NECTIN3: variants seen among roughly 807,000 people sequenced by gnomAD.
NECTIN3 encodes nectin-3.
Under a neutral mutation model 49.4 loss-of-function variants are expected in NECTIN3, and 8 were observed. The ratio of observed to expected loss-of-function variants is 0.16; its 90% CI spans 0.10 to 0.29. The LOEUF (loss-of-function observed/expected upper bound fraction) is 0.29. NECTIN3 is among the 10% of genes least tolerant of loss of function. The pLI is 1.00. For missense variants in NECTIN3, 581 were observed against 654.6 expected, an observed-to-expected ratio of 0.89 and a Z score of 1.23; for synonymous variants, 277 against 241.1, an observed-to-expected ratio of 1.15 and a Z score of -1.38.
intron 1 of NECTIN3, among the ~76,000 whole-genome samples, chr3:111,079,022 C>G (rs2031425118): frequency 6.6e-6 from 1 of 152,064 alleles, no homozygotes; most frequent in Admixed American, 6.6e-5. Context: ...CTGTGCAGGG[C>G]TAGGACTCCA....
chr3:111,172,292 A>T (rs2035449098), intron 7 of NECTIN3, among the ~76,000 whole-genome samples: 1 of 152,128 alleles, frequency 6.6e-6, no homozygotes, highest in African/African-American at 2.4e-5. Context: ...CACATCATAT[A>T]TTGTTCTGGG....
intron 7 of NECTIN3, among the ~76,000 whole-genome samples, chr3:111,152,975 A>C (rs989719887): frequency 2.6e-5 from 4 of 151,922 alleles, no homozygotes; most frequent in Non-Finnish European, 5.9e-5. Flanking sequence ...ATTTTCTCCC[A>C]GGATCTGAAT....
intron 7 of NECTIN3, among the ~76,000 whole-genome samples, chr3:111,185,724 A>G (rs190159631): frequency 2.0e-5 from 3 of 152,188 alleles, no homozygotes; most frequent in Non-Finnish European, 4.4e-5. Flanking sequence ...GTTTTCTATG[A>G]TCCAGTAATT....
chr3:111,190,694 G>A (rs1380782863), upstream of NECTIN3, among the ~76,000 whole-genome samples: 2 of 152,044 alleles, frequency 1.3e-5, no homozygotes, highest in Admixed American at 6.5e-5. Context: ...TACCCTATTC[G>A]CTTCCCAAAG....
chr3:111,166,033 C>T lies in NECTIN3; in HGVS notation c.1221+18549C>T, dbSNP rs767664352. Among the ~76,000 whole-genome samples the T allele has an allele frequency of 5.9e-5, 9 of 152,214 alleles. No individual in the cohort carries two copies. The South Asian group carries it at 6.2e-4, about 11-fold the overall frequency. ...CAAGAAACCAACAATCCTCAAATTTCAGGGATTTAAAACAACAAGTTGATT... is the reference window on the plus strand; with the variant it reads ...CAAGAAACCAACAATCCTCAAATTTTAGGGATTTAAAACAACAAGTTGATT... On this transcript the variant is annotated intron_variant, in intron 7 of 8. Coordinates refer to the NECTIN3 transcript ENST00000493615.
intron 1 of NECTIN3, among the ~76,000 whole-genome samples, chr3:111,111,110 T>C (rs2033441557): frequency 6.6e-6 from 1 of 152,176 alleles, no homozygotes; most frequent in Non-Finnish European, 1.5e-5. Flanking sequence ...ATTTATTTTG[T>C]TAGAGAACAT....
In NECTIN3 at chr3:111,112,351, C is replaced by G. The variant is rs756277129; in HGVS notation, c.482C>G (p.Ser161Cys). The G allele has an allele frequency of 1.2e-6, 2 of 1,604,686 alleles. No homozygotes were observed. The highest frequency in any genetic ancestry group is 1.7e-6 in the Non-Finnish European group (2 of 1,173,334). The stretch of plus-strand genomic sequence containing the variant: ...TTCCCGCTTGGAAATGCCCAGTCCT[C>G]TACAACTGTAACTGTGTTAGGTAGG... The part of the protein sequence containing the change: ...VTFPLGNAQS[S>C]TTVTVLVEPT... Residue 161 changes from serine to cysteine, a missense_variant, in exon 2 of 6, where the codon TCT becomes TGT. Transcript: ENST00000485303.
intron 7 of NECTIN3, among the ~76,000 whole-genome samples, chr3:111,148,887 C>G (rs772686305): frequency 5.9e-5 from 9 of 151,912 alleles, no homozygotes; most frequent in Non-Finnish European, 1.3e-4. Flanking sequence ...TGTCTCTTTG[C>G]TTGTATTTGT....
intron 7 of NECTIN3, among the ~76,000 whole-genome samples, chr3:111,150,884 A>G (rs1271707407): frequency 6.6e-6 from 1 of 151,956 alleles, no homozygotes; most frequent in Admixed American, 6.6e-5. Flanking sequence ...TTTTAAATGA[A>G]TTAAATTTTT....
At chr3:111,074,212 T>A (rs1378137168) in intron 1 of NECTIN3, 2 of 456,386 alleles carry the variant, frequency 4.4e-6, no homozygotes, top group East Asian at 1.4e-4. Context: ...TGTTGTGACT[T>A]ATGGAAGCTT....
At chr3:111,185,693 C>T (rs2035707559) in intron 7 of NECTIN3, among the ~76,000 whole-genome samples, 1 of 152,156 alleles carries the variant, frequency 6.6e-6, no homozygotes, top group African/African-American at 2.4e-5. Flanking sequence ...GGAACAAAGA[C>T]TCTGCAGAGA....
intron 7 of NECTIN3, among the ~76,000 whole-genome samples, chr3:111,178,417 G>A (rs1035890142): frequency 2.0e-5 from 3 of 152,090 alleles, no homozygotes; most frequent in Non-Finnish European, 4.4e-5. Flanking sequence ...AGTATAAACA[G>A]ACACTCAAAA....
intron 7 of NECTIN3, among the ~76,000 whole-genome samples, chr3:111,185,442 T>G (rs1438101928): frequency 1.7e-4 from 26 of 152,194 alleles, no homozygotes; most frequent in Non-Finnish European, 4.4e-5. Flanking sequence ...TTTTGTCCAA[T>G]TTTTTATTAG....
At chr3:111,077,109 C>T in intron 1 of NECTIN3, 1 of 308,722 alleles carries the variant, frequency 3.2e-6, no homozygotes, top group Non-Finnish European at 6.7e-6. Context: ...CTAGATATAG[C>T]CATATCGCAG....
At chr3:111,185,498 G>A (rs914617079) in intron 7 of NECTIN3, among the ~76,000 whole-genome samples, 4 of 126,456 alleles carry the variant, frequency 3.2e-5, no homozygotes, top group South Asian at 2.1e-4. Flanking sequence ...CATCATGGCT[G>A]GAAAGCAGAA....
rs559312203 is a variant in NECTIN3, at chr3:111,137,211, A to T, written c.*2996A>T. ...ATATGAACAAGTAAGAAGTTTATGT[A>T]TGAAAGTAATCAATGTAAAATATAA... On this transcript the variant is annotated 3_prime_UTR_variant, in exon 6 of 6. Transcript: ENST00000485303. 2.8e-5 allele frequency: 26 copies of T among 937,846 alleles called. No homozygotes were observed. In the African/African-American group the frequency reaches 3.7e-4, roughly 13 times the overall value. The allele number at this position is 937,846 out of a possible 1,614,324, so 58.1% of individuals were successfully genotyped here.
Position 111,134,012 on chromosome 3 carries a change from C to T in NECTIN3, c.1447C>T (p.Arg483Cys), listed in dbSNP as rs779197526. ...ENKNPVNNLI[R>C]KDYLEEPEKT... ...CAAAAATCCAGTGAACAATCTAATA[C>T]GTAAAGACTATTTAGAAGAGCCTGA... Residue 483 changes from arginine to cysteine, a missense_variant, in exon 6 of 6, where the codon CGT becomes TGT. Around this residue, in one of 3 missense-constraint regions of NECTIN3, gnomAD observed 238 missense variants for 244.9 expected, o/e 0.97. Transcript: ENST00000485303. 22 of 1,612,322 alleles carry T rather than the reference C, an allele frequency of 1.4e-5. No homozygotes were observed. The highest frequency in any genetic ancestry group is 8.0e-5 in the African/African-American group (6 of 74,698).
At position 111,079,670 on chromosome 3, in the gene NECTIN3, C is replaced by T. The variant is rs575198321; in HGVS notation, c.160+7493C>T. Among the ~76,000 whole-genome samples, 9 of 151,846 alleles carry T rather than the reference C, an allele frequency of 5.9e-5. No homozygotes were observed. The East Asian group carries it at 1.6e-3, about 27-fold the overall frequency. On this transcript the variant is annotated intron_variant, in intron 1 of 5. Transcript: ENST00000485303. Reference sequence around the variant, plus strand: ...GCACAGGACTAAAACATGATAGCAGCATTTCTCACTTAATCATAAGCCTGC... The same window carrying T: ...GCACAGGACTAAAACATGATAGCAGTATTTCTCACTTAATCATAAGCCTGC...
rs76256608 is a variant in NECTIN3, at chr3:111,115,288, T to G, written c.502+2917T>G. Among the ~76,000 whole-genome samples the G allele has an allele frequency of 0.042, 6,372 of 152,242 alleles. 705 individuals are homozygous for G. The East Asian group carries it at 0.45, about 11-fold the overall frequency. Reference sequence around the variant, plus strand: ...GATTGTTCAAAGGATTTATATGAAGTACAAGAATTAAAGTTTAGAATTATA... The same window carrying G: ...GATTGTTCAAAGGATTTATATGAAGGACAAGAATTAAAGTTTAGAATTATA... On this transcript the variant is annotated intron_variant, in intron 2 of 5. Transcript: ENST00000485303.
Sources: gnomAD v4.1 joint callset for allele counts (sites outside exome capture counted in the v4.1 genomes callset) on GRCh38, gnomAD v4.1.1 for gene constraint, gnomAD v4.1.1 regional missense constraint, MANE v1.5 for transcripts, NCBI Gene and HGNC (gene_info 2026-07-23, HGNC 2026-07-21) for gene names.